The following PKIG variants were observed in gnomAD, a reference collection of about 807,000 sequenced individuals.
The protein encoded by PKIG is protein kinase (cAMP-dependent, catalytic) inhibitor gamma.
PKIG carries 1 observed loss-of-function variant against 6.8 expected under a neutral mutation model. The ratio of observed to expected loss-of-function variants is 0.15; its 90% CI spans 0.05 to 0.69. The LOEUF is 0.69. Ranked by LOEUF, PKIG falls within the 30% of genes least tolerant of loss-of-function variation. The pLI is 0.82. For synonymous variants in PKIG, 39 were observed against 43.0 expected, an observed-to-expected ratio of 0.91 and a Z score of 0.36; for missense variants, 77 against 104.0, an observed-to-expected ratio of 0.74 and a Z score of 1.13.
intron 2 of PKIG, among the ~76,000 whole-genome samples, chr20:44,608,872 C>T (rs927204790): frequency 1.3e-5 from 2 of 151,174 alleles, no homozygotes; most frequent in Non-Finnish European, 2.9e-5. Context: ...GGATTATTTT[C>T]TTAGAATAGA....
chr20:44,581,545 A>G (rs1338971437), upstream of PKIG, among the ~76,000 whole-genome samples: 2 of 152,314 alleles, frequency 1.3e-5, no homozygotes, highest in East Asian at 3.9e-4. Flanking sequence ...TGTCTTTACC[A>G]TCAAGCACTC....
intron 3 of PKIG, among the ~76,000 whole-genome samples, chr20:44,616,064 AGCCATAGTCAAGTACTTTGATC>A (rs1335035320): frequency 6.6e-6 from 1 of 152,122 alleles, no homozygotes; most frequent in Non-Finnish European, 1.5e-5. Flanking sequence ...TCCTCTCGCC[AGCCATAGTCAAGTACTTTGATC>A]GCTCAGAAGC....
upstream of PKIG, among the ~76,000 whole-genome samples, chr20:44,579,865 A>G (rs1335123544): frequency 2.6e-5 from 4 of 152,206 alleles, no homozygotes; most frequent in Non-Finnish European, 5.9e-5. Context: ...CATCTTCAAG[A>G]GCCCAGCCTC....
At chr20:44,554,426 C>T (rs1033954200) in intron 1 of PKIG, among the ~76,000 whole-genome samples, 7 of 152,156 alleles carry the variant, frequency 4.6e-5, no homozygotes, top group Admixed American at 1.3e-4. Flanking sequence ...TAGTGAAATG[C>T]TCATGACAAA....
At chr20:44,539,423 GTT>G (rs770775515) in intron 1 of PKIG, among the ~76,000 whole-genome samples, 7 of 138,704 alleles carry the variant, frequency 5.0e-5, no homozygotes, top group East Asian at 2.1e-4. Context: ...TTCTTTCTTT[GTT>G]TTTTTTTTTT....
At chr20:44,591,385 G>A (rs527673703) in intron 2 of PKIG, among the ~76,000 whole-genome samples, 2 of 152,282 alleles carry the variant, frequency 1.3e-5, no homozygotes, top group South Asian at 4.1e-4. Context: ...GCAGGGGAGA[G>A]TTGTGAGTCA....
At chr20:44,593,139 C>T (rs244103) in intron 2 of PKIG, among the ~76,000 whole-genome samples, 33,993 of 150,800 alleles carry the variant, frequency 0.23, 4,914 homozygotes, top group African/African-American at 0.41. Context: ...GGCAACATAG[C>T]GAAACCCTGT....
chr20:44,554,244 AT>A (rs373184317), intron 1 of PKIG, among the ~76,000 whole-genome samples: 16 of 149,198 alleles, frequency 1.1e-4, no homozygotes, highest in Middle Eastern at 3.5e-3. Context: ...TGCCTGGCTA[AT>A]TTTTTTTTTG....
intron 1 of PKIG, among the ~76,000 whole-genome samples, chr20:44,546,411 A>G (rs144203724): frequency 5.3e-4 from 80 of 152,272 alleles, no homozygotes; most frequent in African/African-American, 1.9e-3. Flanking sequence ...GAGAACTTCT[A>G]CTTTGTTTCT....
intron 1 of PKIG, among the ~76,000 whole-genome samples, chr20:44,566,357 G>A (rs182412045): frequency 6.6e-6 from 1 of 152,300 alleles, no homozygotes; most frequent in East Asian, 1.9e-4. Flanking sequence ...ACTAGCCGCT[G>A]TTGTAATGCT....
At chr20:44,554,411 A>G (rs1239439994) in intron 1 of PKIG, among the ~76,000 whole-genome samples, 2 of 152,218 alleles carry the variant, frequency 1.3e-5, no homozygotes, top group African/African-American at 4.8e-5. Context: ...GATAAATTTA[A>G]CATATAGTGA....
At chr20:44,593,363 CAACACACA>C (rs1375963251) in intron 2 of PKIG, among the ~76,000 whole-genome samples, 3 of 76,934 alleles carry the variant, frequency 3.9e-5, no homozygotes, top group African/African-American at 6.0e-5. Flanking sequence ...CTATAATAAT[CAACACACA>C]CACACACACA....
chr20:44,596,444 G>C (rs1156551684), intron 2 of PKIG, among the ~76,000 whole-genome samples: 1 of 152,204 alleles, frequency 6.6e-6, no homozygotes, highest in East Asian at 1.9e-4. Context: ...GGGAGGGCTG[G>C]AATACTGAAC....
intron 1 of PKIG, among the ~76,000 whole-genome samples, chr20:44,577,220 C>T (rs1568818772): frequency 6.6e-6 from 1 of 152,132 alleles, no homozygotes; most frequent in Non-Finnish European, 1.5e-5. Context: ...AGCAATTCTC[C>T]TGCCTCAGCC....
chr20:44,610,486 T>C (rs59807362), intron 2 of PKIG, among the ~76,000 whole-genome samples: 20 of 110,570 alleles, frequency 1.8e-4, no homozygotes, highest in African/African-American at 3.1e-4. Context: ...CTCTCTCTCT[T>C]CTCTCTCTCT....
intron 3 of PKIG, among the ~76,000 whole-genome samples, chr20:44,616,323 CTGTGTCT>C (rs1251284139): frequency 1.3e-5 from 2 of 152,206 alleles, no homozygotes; most frequent in Non-Finnish European, 2.9e-5. Context: ...AGCACAGGCT[CTGTGTCT>C]TGTGCCCTCG....
At chr20:44,558,634 C>A (rs1221589163) in intron 1 of PKIG, among the ~76,000 whole-genome samples, 1 of 132,256 alleles carries the variant, frequency 7.6e-6, no homozygotes, top group Admixed American at 8.1e-5. Flanking sequence ...CTTTTTCATT[C>A]TTTCTTTTTT....
intron 1 of PKIG, among the ~76,000 whole-genome samples, chr20:44,542,930 G>A (rs1489772422): frequency 6.6e-6 from 1 of 152,204 alleles, no homozygotes; most frequent in Non-Finnish European, 1.5e-5. Flanking sequence ...GACTTGTGGT[G>A]TGATAAGTAT....
chr20:44,554,603 G>A (rs913663736), intron 1 of PKIG, among the ~76,000 whole-genome samples: 3 of 152,066 alleles, frequency 2.0e-5, no homozygotes, highest in Admixed American at 6.6e-5. Flanking sequence ...GTACCAGTGG[G>A]GACAGAGCTG....
Sources: gnomAD v4.1 joint callset for allele counts (sites outside exome capture counted in the v4.1 genomes callset) on GRCh38, gnomAD v4.1.1 for gene constraint, MANE v1.5 for transcripts, NCBI Gene and HGNC (gene_info 2026-07-23, HGNC 2026-07-21) for gene names.